CCSAP: variants seen among roughly 807,000 people sequenced by gnomAD.
CCSAP encodes the protein centriole, cilia and spindle associated protein.
A neutral mutation model predicts 25.9 loss-of-function variants in CCSAP; 17 were observed. That is an observed-to-expected ratio of 0.66 (90% CI 0.45 to 0.99). The LOEUF (loss-of-function observed/expected upper bound fraction) is 0.99. Among genes scored for constraint, CCSAP ranks in the 50% least tolerant of loss-of-function variants. CCSAP has a pLI of 0.00. For synonymous variants in CCSAP, 169 were observed against 157.1 expected (o/e 1.08, Z -0.57); for missense variants, 339 against 367.8 (o/e 0.92, Z 0.64).
Position 229,323,850 on chromosome 1 carries a change from AC to A in CCSAP, c.*1384del, listed in dbSNP as rs1420216666. On this transcript the variant is annotated 3_prime_UTR_variant, in exon 4 of 4. Transcript: ENST00000284617. ...ACCCAGAGAAAAATACTAAGGTAAT[AC>A]TCAGCCTCACGTCCACTCACACATC... is the stretch of plus-strand genomic sequence containing the variant. 3 of 152,212 alleles carry A rather than the reference AC, an allele frequency of 2.0e-5. No homozygotes were observed. Among genetic ancestry groups the A allele is most frequent in the African/African-American group, 7.2e-5 (3 of 41,446 alleles). The allele number at this position is 152,212 out of a possible 1,614,324, so 9.4% of individuals were successfully genotyped here.
chr1:229,337,504 G>A (rs770629245), intron 2 of CCSAP, among the ~76,000 whole-genome samples: 8 of 150,628 alleles, frequency 5.3e-5, no homozygotes, highest in Non-Finnish European at 1.0e-4. Context: ...AGGATCTATA[G>A]AGGATGTGTT....
At chr1:229,337,678 A>AAAAAAAAAAAAATATATATAT in intron 2 of CCSAP, among the ~76,000 whole-genome samples, 49 of 65,446 alleles carry the variant, frequency 7.5e-4, no homozygotes, top group Non-Finnish European at 1.3e-3. Flanking sequence ...CTCAAAAAAA[A>AAAAAAAAAAAAATATATATAT]ATATATATAT....
At chr1:229,340,156 C>A (rs1282208491) in intron 2 of CCSAP, among the ~76,000 whole-genome samples, 1 of 152,172 alleles carries the variant, frequency 6.6e-6, no homozygotes, top group African/African-American at 2.4e-5. Context: ...CAAAAGAGTG[C>A]TCATTGCACT....
At position 229,337,702 on chromosome 1, in the gene CCSAP, C is replaced by CATATATATAT. The variant is rs1394833041; in HGVS notation, c.367+4396_367+4397insATATATATAT. Among the ~76,000 whole-genome samples the CATATATATAT allele has an allele frequency of 5.8e-3, 282 of 48,398 alleles. 4 individuals carry two copies. Among genetic ancestry groups the CATATATATAT allele is most frequent in the Non-Finnish European group, 8.8e-3 (204 of 23,304 alleles). 31.8% of individuals were successfully genotyped at this position (48,398 alleles called of 152,430 possible). A position where few individuals can be genotyped will look rare whatever the true frequency, so the allele number is the denominator to read the frequency against. On this transcript the variant is annotated intron_variant, in intron 2 of 3. Coordinates refer to ENST00000284617, the MANE Select transcript of CCSAP (RefSeq NM_145257.5). Reference sequence around the variant, plus strand: ...AAATATATATATATATATATATACACATACATATATATATATGTATATATA... The same window carrying CATATATATAT: ...AAATATATATATATATATATATACACATATATATATATACATATATATATATGTATATATA...
At chr1:229,337,549 A>G (rs992496396) in intron 2 of CCSAP, among the ~76,000 whole-genome samples, 1 of 150,826 alleles carries the variant, frequency 6.6e-6, no homozygotes, top group Non-Finnish European at 1.5e-5. Flanking sequence ...AGCAAAAGGA[A>G]GACTTGAGAT....
At chr1:229,329,339 AAG>A (rs2102693049) in intron 2 of CCSAP, among the ~76,000 whole-genome samples, 1 of 152,340 alleles carries the variant, frequency 6.6e-6, no homozygotes, top group Admixed American at 6.5e-5. Flanking sequence ...GAATTCCAGA[AAG>A]AGGGAATGGC....
chr1:229,333,305 T>TGCGC (rs1558251040), intron 2 of CCSAP, among the ~76,000 whole-genome samples: 2 of 151,786 alleles, frequency 1.3e-5, no homozygotes, highest in Non-Finnish European at 2.9e-5. Flanking sequence ...TGGTGTCAGG[T>TGCGC]GCCTGTAGTC....
intron 2 of CCSAP, among the ~76,000 whole-genome samples, chr1:229,332,305 AG>A (rs1658087328): frequency 6.6e-6 from 1 of 151,888 alleles, no homozygotes; most frequent in Non-Finnish European, 1.5e-5. Flanking sequence ...GGTGGGAAGG[AG>A]GGGGCAGTCT....
Position 229,342,203 on chromosome 1 carries a change from G to A in CCSAP, c.263C>T (p.Ala88Val). 1 of 1,258,900 alleles carries A rather than the reference G, an allele frequency of 7.9e-7. No homozygotes were observed. The highest frequency in any genetic ancestry group is 3.1e-5 in the South Asian group (1 of 32,136). The allele number at this position is 1,258,900 out of a possible 1,614,324, so 78.0% of individuals were successfully genotyped here. ...CCGCCGTTCCGCCTCCTCCTGGGTCGCCGGCTCTACGGGCGGCGGGGGCGA... is the reference window on the plus strand; with the variant it reads ...CCGCCGTTCCGCCTCCTCCTGGGTCACCGGCTCTACGGGCGGCGGGGGCGA... ...PPSPPPPVEPATQEEAERRAR... is the reference protein window; with the variant it reads ...PPSPPPPVEPVTQEEAERRAR... Residue 88 changes from alanine (A) to valine (V), a missense_variant, in exon 2 of 4, where the codon GCG becomes GTG. Coordinates refer to ENST00000284617, the MANE Select transcript of CCSAP (RefSeq NM_145257.5). This position sits in a 1 kb window ranked among gnomAD's most constrained non-coding sequence, Gnocchi z 7.5.
At chr1:229,335,620 G>A (rs1658178079) in intron 2 of CCSAP, among the ~76,000 whole-genome samples, 1 of 152,236 alleles carries the variant, frequency 6.6e-6, no homozygotes, top group Non-Finnish European at 1.5e-5. Flanking sequence ...AAGAGAAAAA[G>A]CAACGCAGCA....
chr1:229,336,020 T>C (rs1658187782), intron 2 of CCSAP, among the ~76,000 whole-genome samples: 1 of 151,740 alleles, frequency 6.6e-6, no homozygotes, highest in Admixed American at 6.6e-5. Context: ...TTAGGTATTA[T>C]AAGTAATCTA....
intron 2 of CCSAP, among the ~76,000 whole-genome samples, chr1:229,332,540 A>G (rs1658094148): frequency 6.6e-6 from 1 of 152,242 alleles, no homozygotes; most frequent in African/African-American, 2.4e-5. Flanking sequence ...ATAGTTTAAA[A>G]TAAAGACTTC....
intron 2 of CCSAP, among the ~76,000 whole-genome samples, chr1:229,341,298 G>A (rs150811572): frequency 1.3e-3 from 201 of 152,114 alleles, no homozygotes; most frequent in African/African-American, 4.7e-3. Flanking sequence ...ATGTCTAACA[G>A]GCTCCCAATA....
chr1:229,337,678 A>AAAAAAAAAAAAAAAATAT, intron 2 of CCSAP, among the ~76,000 whole-genome samples: 64 of 65,424 alleles, frequency 9.8e-4, no homozygotes, highest in East Asian at 5.4e-3. Context: ...CTCAAAAAAA[A>AAAAAAAAAAAAAAAATAT]ATATATATAT....
At chr1:229,329,991 C>CA (rs1658031436) in intron 2 of CCSAP, among the ~76,000 whole-genome samples, 1 of 151,824 alleles carries the variant, frequency 6.6e-6, no homozygotes, top group Non-Finnish European at 1.5e-5. Flanking sequence ...AACTCCATCT[C>CA]AAAAAAATAA....
chr1:229,341,055 G>C (rs1354847072), intron 2 of CCSAP, among the ~76,000 whole-genome samples: 2 of 152,068 alleles, frequency 1.3e-5, no homozygotes, highest in Admixed American at 6.5e-5. Flanking sequence ...TTAGCCGGGC[G>C]TGGTGGCGCG....
At position 229,342,063 on chromosome 1, in the gene CCSAP, G is replaced by T; in HGVS notation, c.367+36C>A. ...AGAGCTTAGAGCAAACCGTCCCTGC[G>T]TGCAGGCCCCTCGCGCTCCCCTCCG... On this transcript the variant is annotated intron_variant, in intron 2 of 3. Coordinates refer to ENST00000284617, the MANE Select transcript of CCSAP (RefSeq NM_145257.5). The surrounding 1 kb of genome is among the most constrained non-coding windows in gnomAD (Gnocchi z 7.5). 7.6e-7 allele frequency: 1 copy of T among 1,314,074 alleles called. No homozygotes were observed. Among genetic ancestry groups the T allele is most frequent in the Admixed American group, 3.1e-5 (1 of 31,774 alleles). 81.4% of individuals were successfully genotyped at this position (1,314,074 alleles called of 1,614,324 possible).
chr1:229,341,846 C>T (rs1658340213), intron 2 of CCSAP, among the ~76,000 whole-genome samples: 1 of 152,000 alleles, frequency 6.6e-6, no homozygotes, highest in African/African-American at 2.4e-5. Flanking sequence ...GAGGAAAGAC[C>T]CCAGACTCAG....
intron 2 of CCSAP, among the ~76,000 whole-genome samples, chr1:229,327,831 T>C (rs576132491): frequency 2.1e-5 from 3 of 143,660 alleles, no homozygotes; most frequent in Non-Finnish European, 4.5e-5. Flanking sequence ...ATTGCGCCAC[T>C]GCACTCCAGC....
Sources: gnomAD v4.1 joint callset for allele counts (sites outside exome capture counted in the v4.1 genomes callset) on GRCh38, gnomAD v4.1.1 for gene constraint, Gnocchi (gnomAD v3.1) non-coding constraint, MANE v1.5 for transcripts, NCBI Gene and HGNC (gene_info 2026-07-23, HGNC 2026-07-21) for gene names.